The following CLIC4 variants were observed in gnomAD, a reference collection of about 807,000 sequenced individuals.
CLIC4 encodes CLIC family member 4.
Under a neutral mutation model 24.6 loss-of-function variants are expected in CLIC4, and 13 were observed. The observed-to-expected ratio is 0.53, with a 90% CI of 0.34 to 0.84. The LOEUF (loss-of-function observed/expected upper bound fraction) is 0.84. CLIC4 is among the 40% of genes least tolerant of loss of function. CLIC4 has a pLI of 0.01. For synonymous variants in CLIC4, 104 were observed against 111.3 expected, an observed-to-expected ratio of 0.93 and a Z score of 0.41; for missense variants, 227 against 301.7, an observed-to-expected ratio of 0.75 and a Z score of 1.83.
At chr1:24,756,234 C>T (rs1002075739) in intron 1 of CLIC4, among the ~76,000 whole-genome samples, 1 of 152,074 alleles carries the variant, frequency 6.6e-6, no homozygotes, top group Non-Finnish European at 1.5e-5. Context: ...CTCCTGACCT[C>T]GTGATCCGCC....
intron 1 of CLIC4, among the ~76,000 whole-genome samples, chr1:24,747,269 C>CTT (rs1239458318): frequency 6.6e-6 from 1 of 151,696 alleles, no homozygotes; most frequent in Non-Finnish European, 1.5e-5. Context: ...GGCGCGGTGG[C>CTT]TCACGCCTGT....
chr1:24,766,579 C>T (rs778926243), intron 1 of CLIC4, among the ~76,000 whole-genome samples: 1 of 143,380 alleles, frequency 7.0e-6, no homozygotes, highest in Non-Finnish European at 1.5e-5. Context: ...TCTCAGCTCA[C>T]TGCAACCTCC....
intron 2 of CLIC4, among the ~76,000 whole-genome samples, chr1:24,801,896 G>A (rs993375687): frequency 1.3e-5 from 2 of 152,078 alleles, no homozygotes; most frequent in East Asian, 1.9e-4. Context: ...CAAGCTCTTG[G>A]GAAGACATTA....
chr1:24,792,280 T>TCCTG (rs2124125626), intron 1 of CLIC4, among the ~76,000 whole-genome samples: 1 of 152,080 alleles, frequency 6.6e-6, no homozygotes, highest in African/African-American at 2.4e-5. Context: ...AGTCTTGAAC[T>TCCTG]CCTGGGCTCC....
chr1:24,781,197 C>T (rs1639200398), intron 1 of CLIC4, among the ~76,000 whole-genome samples: 1 of 141,062 alleles, frequency 7.1e-6, no homozygotes. Flanking sequence ...TGCAGTGGCA[C>T]AATCTCAGCT....
rs1026087758 is a variant in CLIC4, at chr1:24,786,718, C to T, written c.73-11024C>T. On this transcript the variant is annotated intron_variant, in intron 1 of 5. Coordinates refer to ENST00000374379, the MANE Select transcript of CLIC4 (RefSeq NM_013943.3). ...CTGCAAGCTCTGCCTCCCAGGTTCA[C>T]GCCATTCTCCTGCCTCAGCCTCCCG... Among the ~76,000 whole-genome samples, 16 of 151,718 alleles carry T rather than the reference C, an allele frequency of 1.1e-4. No homozygotes were observed. In the South Asian group the frequency reaches 1.7e-3, roughly 16 times the overall value.
intron 1 of CLIC4, among the ~76,000 whole-genome samples, chr1:24,796,535 A>G (rs1021517562): frequency 6.6e-6 from 1 of 152,162 alleles, no homozygotes; most frequent in Non-Finnish European, 1.5e-5. Flanking sequence ...ATATGTCTTG[A>G]TGTACAGATA....
intron 1 of CLIC4, among the ~76,000 whole-genome samples, chr1:24,786,724 T>A (rs1220376528): frequency 6.6e-6 from 1 of 151,436 alleles, no homozygotes; most frequent in Non-Finnish European, 1.5e-5. Context: ...TTCACGCCAT[T>A]CTCCTGCCTC....
At chr1:24,825,967 C>T (rs1275594147) in intron 3 of CLIC4, among the ~76,000 whole-genome samples, 1 of 152,102 alleles carries the variant, frequency 6.6e-6, no homozygotes, top group Admixed American at 6.6e-5. Context: ...ATTAATCTTC[C>T]CTAAAATGGG....
At chr1:24,791,244 G>C (rs942553129) in intron 1 of CLIC4, among the ~76,000 whole-genome samples, 1 of 152,110 alleles carries the variant, frequency 6.6e-6, no homozygotes, top group Admixed American at 6.6e-5. Flanking sequence ...ATACAAAACT[G>C]GGTATAGAAT....
chr1:24,816,670 A>G (rs1449225013), intron 3 of CLIC4, among the ~76,000 whole-genome samples: 1 of 152,206 alleles, frequency 6.6e-6, no homozygotes, highest in African/African-American at 2.4e-5. Flanking sequence ...ATAAGACTTG[A>G]AAGTCAAAAT....
At chr1:24,835,163 A>G (rs1166763110) in intron 4 of CLIC4, among the ~76,000 whole-genome samples, 1 of 152,236 alleles carries the variant, frequency 6.6e-6, no homozygotes, top group African/African-American at 2.4e-5. Context: ...ATCATTGGCT[A>G]TGGCTAGCAT....
At chr1:24,784,489 G>A (rs1571241697) in intron 1 of CLIC4, among the ~76,000 whole-genome samples, 1 of 152,184 alleles carries the variant, frequency 6.6e-6, no homozygotes, top group African/African-American at 2.4e-5. Context: ...GACGAGCAGA[G>A]AGATTTGTCT....
chr1:24,801,599 T>C (rs1639491164), intron 2 of CLIC4, among the ~76,000 whole-genome samples: 1 of 152,212 alleles, frequency 6.6e-6, no homozygotes, highest in Non-Finnish European at 1.5e-5. Context: ...GAAAAGATAT[T>C]GACAGCCTAT....
At chr1:24,817,523 A>C (rs911704296) in intron 3 of CLIC4, among the ~76,000 whole-genome samples, 4 of 152,196 alleles carry the variant, frequency 2.6e-5, no homozygotes, top group Non-Finnish European at 4.4e-5. Flanking sequence ...GTTTTGGCTT[A>C]AGGGAATGCT....
chr1:24,761,197 G>C (rs1407379435), intron 1 of CLIC4, among the ~76,000 whole-genome samples: 3 of 152,132 alleles, frequency 2.0e-5, no homozygotes, highest in African/African-American at 7.2e-5. Context: ...TGATGGGGAG[G>C]AGATCAGGAG....
At chr1:24,793,973 T>G (rs1355468310) in intron 1 of CLIC4, among the ~76,000 whole-genome samples, 1 of 152,188 alleles carries the variant, frequency 6.6e-6, no homozygotes, top group African/African-American at 2.4e-5. Context: ...TTCTGGCACT[T>G]TCCATGGACG....
At chr1:24,828,209 T>G (rs1230820423) in intron 4 of CLIC4, among the ~76,000 whole-genome samples, 1 of 152,246 alleles carries the variant, frequency 6.6e-6, no homozygotes. Context: ...CAATGTCTTT[T>G]GCTCTTGATT....
chr1:24,840,078 CTTGTA>C (rs1639927513), intron 5 of CLIC4, 37 bp downstream of exon 5: 5 of 1,572,838 alleles, frequency 3.2e-6, no homozygotes, highest in East Asian at 4.5e-5. Flanking sequence ...TTGCCATTAC[CTTGTA>C]TTGTATTTAC....
Sources: gnomAD v4.1 joint callset for allele counts (sites outside exome capture counted in the v4.1 genomes callset) on GRCh38, gnomAD v4.1.1 for gene constraint, MANE v1.5 for transcripts, NCBI Gene and HGNC (gene_info 2026-07-23, HGNC 2026-07-21) for gene names.